Variants in CACNA2D3 observed in about 807,000 individuals in gnomAD.
The protein encoded by CACNA2D3 is calcium voltage-gated channel auxiliary subunit alpha2delta 3.
A neutral mutation model predicts 160.6 loss-of-function variants in CACNA2D3; 60 were observed. The ratio of observed to expected loss-of-function variants is 0.37; its 90% CI spans 0.30 to 0.46. The LOEUF (loss-of-function observed/expected upper bound fraction) is 0.46. Ranked by LOEUF, CACNA2D3 falls within the 20% of genes least tolerant of loss-of-function variation. CACNA2D3 has a pLI of 1.00. For synonymous variants in CACNA2D3, 558 were observed against 492.9 expected (o/e 1.13, Z -1.75); for missense variants, 1,205 against 1,365.0 (o/e 0.88, Z 1.85).
chr3:54,934,103 A>G (rs183436721), intron 27 of CACNA2D3, among the ~76,000 whole-genome samples: 1 of 152,346 alleles, frequency 6.6e-6, no homozygotes, highest in East Asian at 1.9e-4. Flanking sequence ...TACAAATTAC[A>G]AAACAGGGAC....
intron 3 of CACNA2D3, among the ~76,000 whole-genome samples, chr3:54,384,591 A>G (rs1699158602): frequency 3.9e-5 from 6 of 152,220 alleles, no homozygotes; most frequent in Admixed American, 3.9e-4. Context: ...CTTGGGGCCC[A>G]CTTACCTGAT....
intron 12 of CACNA2D3, among the ~76,000 whole-genome samples, chr3:54,756,692 G>A (rs758717922): frequency 3.3e-5 from 5 of 152,166 alleles, no homozygotes; most frequent in Admixed American, 6.5e-5. Context: ...GGGCTCTCAC[G>A]TTGTCCCTGA....
chr3:54,742,124 C>T (rs1701662515), intron 11 of CACNA2D3, among the ~76,000 whole-genome samples: 1 of 152,108 alleles, frequency 6.6e-6, no homozygotes, highest in Admixed American at 6.6e-5. Flanking sequence ...GCCTCGACTT[C>T]AAATAGTGCT....
chr3:54,806,764 G>C (rs1279495422), intron 13 of CACNA2D3, among the ~76,000 whole-genome samples: 3 of 151,972 alleles, frequency 2.0e-5, no homozygotes, highest in Admixed American at 6.6e-5. Flanking sequence ...TAAGCCAAAA[G>C]AACAAAGCTG....
intron 2 of CACNA2D3, among the ~76,000 whole-genome samples, chr3:54,270,763 G>A (rs144631752): frequency 6.6e-6 from 1 of 152,134 alleles, no homozygotes; most frequent in African/African-American, 2.4e-5. Context: ...GCAGCTATAG[G>A]ACTGAGGTTT....
At chr3:54,196,671 T>G (rs550071776) in intron 2 of CACNA2D3, among the ~76,000 whole-genome samples, 1 of 152,386 alleles carries the variant, frequency 6.6e-6, no homozygotes, top group Admixed American at 6.5e-5. Context: ...GAGTCCTCAT[T>G]TAAATTGCGT....
At chr3:54,232,617 C>T (rs1052037939) in intron 2 of CACNA2D3, among the ~76,000 whole-genome samples, 1 of 152,186 alleles carries the variant, frequency 6.6e-6, no homozygotes, top group Non-Finnish European at 1.5e-5. Flanking sequence ...TCCCCAACTC[C>T]ACCATGCTTC....
chr3:54,667,350 G>A (rs1700085381), intron 11 of CACNA2D3, among the ~76,000 whole-genome samples: 1 of 152,170 alleles, frequency 6.6e-6, no homozygotes, highest in African/African-American at 2.4e-5. Flanking sequence ...TTTGTTTTGT[G>A]CATGTTGGAT....
intron 4 of CACNA2D3, among the ~76,000 whole-genome samples, chr3:54,469,589 T>C (rs909608018): frequency 6.6e-6 from 1 of 152,064 alleles, no homozygotes; most frequent in Non-Finnish European, 1.5e-5. Flanking sequence ...TTTGATGAAC[T>C]GACAGAAGTA....
intron 35 of CACNA2D3, among the ~76,000 whole-genome samples, chr3:55,035,628 T>C (rs1703799865): frequency 6.6e-6 from 1 of 152,206 alleles, no homozygotes; most frequent in African/African-American, 2.4e-5. Flanking sequence ...GGCCTGTTTA[T>C]CTATTTTTAT....
Position 54,431,908 on chromosome 3 carries a change from G to A in CACNA2D3, c.381+45134G>A, listed in dbSNP as rs114583943. Among the ~76,000 whole-genome samples the A allele has an allele frequency of 6.3e-3, 960 of 152,172 alleles. 11 individuals carry two copies. The highest frequency in any genetic ancestry group is 0.02 in the African/African-American group (843 of 41,540). On this transcript the variant is annotated intron_variant, in intron 4 of 37. Transcript: ENST00000474759. ...CAGGCATGAGCCACCACACCTGGCC[G>A]ACTTTATAGCTATATTAAAATATAC...
chr3:54,366,687 A>G (rs1698833383), intron 3 of CACNA2D3, among the ~76,000 whole-genome samples: 2 of 152,244 alleles, frequency 1.3e-5, no homozygotes, highest in Admixed American at 6.5e-5. Flanking sequence ...AGAAGGGCCT[A>G]TGCATTTCAC....
chr3:54,588,363 A>T (rs904779652), intron 9 of CACNA2D3, among the ~76,000 whole-genome samples: 4 of 152,224 alleles, frequency 2.6e-5, no homozygotes, highest in African/African-American at 9.6e-5. Flanking sequence ...GGTAACATCA[A>T]ACTTAACAGG....
chr3:54,845,064 A>G (rs1311322628), intron 16 of CACNA2D3, among the ~76,000 whole-genome samples: 1 of 152,174 alleles, frequency 6.6e-6, no homozygotes, highest in Non-Finnish European at 1.5e-5. Context: ...ATCTCAAAGG[A>G]TAGGAAATCT....
At chr3:54,869,464 T>A in intron 17 of CACNA2D3, among the ~76,000 whole-genome samples, 1 of 152,334 alleles carries the variant, frequency 6.6e-6, no homozygotes, top group African/African-American at 2.4e-5. Context: ...GTAGTAGGTA[T>A]ACAATAAATG....
At chr3:54,247,054 G>A (rs1237834655) in intron 2 of CACNA2D3, among the ~76,000 whole-genome samples, 2 of 152,206 alleles carry the variant, frequency 1.3e-5, no homozygotes, top group Non-Finnish European at 2.9e-5. Flanking sequence ...GTTCACGCCT[G>A]TAGTCCCAGC....
chr3:54,751,131 A>T (rs892732739), intron 11 of CACNA2D3, among the ~76,000 whole-genome samples: 1 of 152,082 alleles, frequency 6.6e-6, no homozygotes, highest in Non-Finnish European at 1.5e-5. Flanking sequence ...AAAACAAAAC[A>T]AAACAAAAAC....
intron 18 of CACNA2D3, among the ~76,000 whole-genome samples, chr3:54,872,090 C>T (rs1699548328): frequency 6.6e-6 from 1 of 152,192 alleles, no homozygotes; most frequent in Non-Finnish European, 1.5e-5. Flanking sequence ...GCCCAGGGCT[C>T]TGCAGGCTCA....
At chr3:54,267,885 T>G (rs530268982) in intron 2 of CACNA2D3, among the ~76,000 whole-genome samples, 4 of 152,238 alleles carry the variant, frequency 2.6e-5, no homozygotes, top group African/African-American at 9.6e-5. Flanking sequence ...ATAATGATTT[T>G]GGGGCTTAAG....
Sources: allele counts gnomAD v4.1 joint callset (sites outside exome capture counted in the v4.1 genomes callset), GRCh38; gene constraint gnomAD v4.1.1; transcripts MANE v1.5; gene names NCBI Gene and HGNC (gene_info 2026-07-23, HGNC 2026-07-21).